The following DNAH17 variants were observed in gnomAD, a reference collection of about 807,000 sequenced individuals.
The protein encoded by DNAH17 is axonemal beta dynein heavy chain 17.
DNAH17 carries 376 observed loss-of-function variants against 485.6 expected under a neutral mutation model. The observed-to-expected ratio is 0.77, with a 90% CI of 0.71 to 0.84. The LOEUF (loss-of-function observed/expected upper bound fraction) is 0.84, where lower values mean the gene tolerates loss of function less well. Ranked by LOEUF, DNAH17 falls within the 40% of genes least tolerant of loss-of-function variation. The pLI is 0.00. For missense variants in DNAH17, 6,370 were observed against 5,839.3 expected (o/e 1.09, Z -2.96); for synonymous variants, 3,031 against 2,405.9 (o/e 1.26, Z -7.60).
chr17:78,540,372 G>C (rs1007311054), intron 17 of DNAH17, among the ~76,000 whole-genome samples: 2 of 142,122 alleles, frequency 1.4e-5, no homozygotes, highest in Admixed American at 1.4e-4. Context: ...CAGATGAATG[G>C]GGTGGACGGA....
chr17:78,510,551 A>G, intron 26 of DNAH17, 45 bp from the exon 27 acceptor site: 1 of 1,608,090 alleles, frequency 6.2e-7, no homozygotes, highest in Non-Finnish European at 8.5e-7. Flanking sequence ...GGTCATGTGC[A>G]CTCTGCAGTG....
intron 62 of DNAH17, 43 bp downstream of exon 62, chr17:78,458,522 G>A (rs765034065): frequency 1.8e-5 from 28 of 1,539,674 alleles, no homozygotes; most frequent in Non-Finnish European, 1.7e-5. Flanking sequence ...TCCCTTTCAG[G>A]GGGTCTGAGA....
intron 27 of DNAH17, among the ~76,000 whole-genome samples, chr17:78,508,211 ACTCT>A (rs373810528): frequency 1.4e-3 from 214 of 152,040 alleles, no homozygotes; most frequent in African/African-American, 4.5e-3. Flanking sequence ...CAGATGCAGG[ACTCT>A]CTCTCTGAGC....
intron 37 of DNAH17, chr17:78,498,769 G>C: frequency 2.7e-6 from 1 of 363,836 alleles, no homozygotes. Context: ...TCTCCCACCT[G>C]TATTTTGTTA....
At chr17:78,548,430 T>G (rs2091825987) in intron 16 of DNAH17, among the ~76,000 whole-genome samples, 1 of 152,114 alleles carries the variant, frequency 6.6e-6, no homozygotes, top group African/African-American at 2.4e-5. Context: ...GGTCTCGATC[T>G]CCTGACCTCG....
chr17:78,434,440 C>A (rs1181528315), intron 74 of DNAH17, among the ~76,000 whole-genome samples: 1 of 152,168 alleles, frequency 6.6e-6, no homozygotes, highest in African/African-American at 2.4e-5. Flanking sequence ...TTCAGAAATG[C>A]AATTTTATCC....
chr17:78,500,139 G>A (rs774150177), intron 36 of DNAH17, 166 bp downstream of exon 36: 192 of 735,074 alleles, frequency 2.6e-4, no homozygotes, highest in Middle Eastern at 3.8e-4. Flanking sequence ...GGGACCACCT[G>A]AGGGGGATGC....
At chr17:78,552,196 C>T (rs2091917207) in intron 15 of DNAH17, among the ~76,000 whole-genome samples, 1 of 152,186 alleles carries the variant, frequency 6.6e-6, no homozygotes, top group Non-Finnish European at 1.5e-5. Context: ...CCCCAGACTC[C>T]TCACGTTAAA....
intron 26 of DNAH17, 87 bp downstream of exon 26, chr17:78,514,687 C>T (rs974421848): frequency 1.3e-5 from 20 of 1,510,174 alleles, no homozygotes; most frequent in Non-Finnish European, 1.2e-5. Context: ...GCCCTGAACA[C>T]CTTGGCTAGG....
chr17:78,479,444 G>A, intron 50 of DNAH17, 41 bp downstream of exon 50: 1 of 1,570,682 alleles, frequency 6.4e-7, no homozygotes, highest in Non-Finnish European at 8.6e-7. Flanking sequence ...CAGAGCCATA[G>A]GTTTTACCGA....
chr17:78,465,823 C>T (rs1198931826), intron 56 of DNAH17, among the ~76,000 whole-genome samples: 30 of 150,326 alleles, frequency 2.0e-4, no homozygotes, highest in African/African-American at 4.5e-4. Flanking sequence ...GTCAGCCCCC[C>T]GCCCGGCCAG....
intron 26 of DNAH17, among the ~76,000 whole-genome samples, chr17:78,513,276 T>C (rs1046001246): frequency 1.3e-5 from 2 of 152,100 alleles, no homozygotes; most frequent in Non-Finnish European, 2.9e-5. Context: ...AGAATGTTTG[T>C]AGCAACATGA....
intron 69 of DNAH17, among the ~76,000 whole-genome samples, chr17:78,448,249 C>A (rs2087397583): frequency 1.3e-5 from 2 of 151,756 alleles, no homozygotes; most frequent in African/African-American, 4.8e-5. Context: ...CTTGTATTCC[C>A]AGCTACAGGG....
intron 20 of DNAH17, among the ~76,000 whole-genome samples, chr17:78,531,994 G>A (rs1321652429): frequency 6.6e-6 from 1 of 152,180 alleles, no homozygotes; most frequent in East Asian, 1.9e-4. Flanking sequence ...ATGCAAATGA[G>A]CCAACCCGGA....
At chr17:78,564,466 G>A (rs903152055) in intron 11 of DNAH17, among the ~76,000 whole-genome samples, 66 of 147,864 alleles carry the variant, frequency 4.5e-4, no homozygotes, top group African/African-American at 1.5e-3. Flanking sequence ...CCAGCTGCCC[G>A]CCCGCCCAGC....
At chr17:78,462,771 C>G (rs1190375526) in intron 57 of DNAH17, 73 bp downstream of exon 57, 1 of 1,489,964 alleles carries the variant, frequency 6.7e-7, no homozygotes, top group African/African-American at 1.4e-5. Context: ...CCGTGGATGC[C>G]TGTGACAGTA....
intron 74 of DNAH17, among the ~76,000 whole-genome samples, chr17:78,435,802 T>TGTGTACCCCAC (rs1459908424): frequency 6.6e-6 from 1 of 152,126 alleles, no homozygotes; most frequent in Non-Finnish European, 1.5e-5. Context: ...CATAGCACCG[T>TGTGTACCCCAC]GTGTACCCCA....
intron 13 of DNAH17, among the ~76,000 whole-genome samples, chr17:78,559,978 A>T (rs979384917): frequency 2.0e-5 from 3 of 151,546 alleles, no homozygotes; most frequent in African/African-American, 7.3e-5. Context: ...CTAAAATTGC[A>T]CCTGCCCCTT....
Position 78,553,283 on chromosome 17 carries a change from G to GT in DNAH17, c.2179-479dup, listed in dbSNP as rs60587420. On this transcript the variant is annotated intron_variant, in intron 14 of 80. Coordinates refer to ENST00000389840, the MANE Select transcript of DNAH17 (RefSeq NM_173628.4). ...AAATTACCCAGTCCCAGGTTTTTGTGTTTTTTTTTTTTTTTTTTTTTTTTT... is the reference window on the plus strand; with the variant it reads ...AAATTACCCAGTCCCAGGTTTTTGTGTTTTTTTTTTTTTTTTTTTTTTTTTT... Among the ~76,000 whole-genome samples, 117 of 51,034 alleles carry GT rather than the reference G, an allele frequency of 2.3e-3. 15 individuals carry two copies. Among genetic ancestry groups the GT allele is most frequent in the Non-Finnish European group, 2.9e-3 (85 of 28,888 alleles). The allele number at this position is 51,034 out of a possible 152,430, so 33.5% of individuals were successfully genotyped here.
Sources: gnomAD v4.1 joint callset for allele counts (sites outside exome capture counted in the v4.1 genomes callset) on GRCh38, gnomAD v4.1.1 for gene constraint, MANE v1.5 for transcripts, NCBI Gene and HGNC (gene_info 2026-07-23, HGNC 2026-07-21) for gene names.